The following ADGRB3 variants were observed in gnomAD, a reference collection of about 807,000 sequenced individuals.
ADGRB3 encodes the protein brain-specific angiogenesis inhibitor 3.
ADGRB3 carries 37 observed loss-of-function variants against 193.4 expected under a neutral mutation model. That is an observed-to-expected ratio of 0.19 (90% CI 0.15 to 0.25). The LOEUF is 0.25. Ranked by LOEUF, ADGRB3 falls within the 10% of genes least tolerant of loss-of-function variation. The pLI is 1.00. For synonymous variants in ADGRB3, 690 were observed against 644.2 expected (o/e 1.07, Z -1.08); for missense variants, 1,637 against 1,852.9 (o/e 0.88, Z 2.14).
At chr6:69,328,735 A>G (rs560374209) in intron 22 of ADGRB3, among the ~76,000 whole-genome samples, 6 of 152,304 alleles carry the variant, frequency 3.9e-5, no homozygotes, top group Non-Finnish European at 7.4e-5. Context: ...AAAGTTTAAG[A>G]CGCTCCTGTC....
chr6:68,864,375 C>T (rs1377225513), intron 3 of ADGRB3, among the ~76,000 whole-genome samples: 2 of 152,076 alleles, frequency 1.3e-5, no homozygotes, highest in Non-Finnish European at 2.9e-5. Flanking sequence ...TCACGGTGGC[C>T]AGGAAGTTGC....
At chr6:68,963,272 G>T (rs1768284628) in intron 8 of ADGRB3, among the ~76,000 whole-genome samples, 2 of 152,066 alleles carry the variant, frequency 1.3e-5, no homozygotes, top group African/African-American at 4.8e-5. Context: ...TTATTTCAAG[G>T]ATGAAATGCT....
At chr6:68,739,698 A>G (rs570725041) in intron 3 of ADGRB3, among the ~76,000 whole-genome samples, 1 of 152,288 alleles carries the variant, frequency 6.6e-6, no homozygotes, top group Non-Finnish European at 1.5e-5. Flanking sequence ...ACCAGAAAAG[A>G]GAGTTAATCT....
intron 3 of ADGRB3, among the ~76,000 whole-genome samples, chr6:68,700,275 G>A (rs1279135965): frequency 6.6e-6 from 1 of 152,056 alleles, no homozygotes; most frequent in Non-Finnish European, 1.5e-5. Context: ...CATTAAATAA[G>A]TATGCTATCA....
chr6:69,286,438 T>C (rs542909948), intron 20 of ADGRB3, among the ~76,000 whole-genome samples: 11 of 152,292 alleles, frequency 7.2e-5, no homozygotes, highest in Non-Finnish European at 1.5e-5. Context: ...GAACCCCAAC[T>C]TAGAAAGAAG....
intron 17 of ADGRB3, among the ~76,000 whole-genome samples, chr6:69,121,691 C>CCCAGAT (rs1394802827): frequency 1.1e-4 from 16 of 151,878 alleles, no homozygotes; most frequent in African/African-American, 3.4e-4. Flanking sequence ...CTCCTCACCT[C>CCCAGAT]CCAGATGGGG....
intron 16 of ADGRB3, among the ~76,000 whole-genome samples, 190 bp from the exon 17 acceptor site, chr6:69,075,805 T>C (rs372918256): frequency 5.9e-5 from 9 of 152,238 alleles, no homozygotes; most frequent in African/African-American, 1.7e-4. Context: ...TCATAGAACT[T>C]TATAAAATGA....
At chr6:69,254,136 A>C (rs992155756) in intron 20 of ADGRB3, among the ~76,000 whole-genome samples, 1 of 152,194 alleles carries the variant, frequency 6.6e-6, no homozygotes, top group African/African-American at 2.4e-5. Flanking sequence ...AAATGAGAGC[A>C]AGTTTTAAAA....
chr6:69,255,505 T>G (rs1671876065), intron 20 of ADGRB3, among the ~76,000 whole-genome samples: 2 of 152,228 alleles, frequency 1.3e-5, no homozygotes, highest in African/African-American at 2.4e-5. Context: ...ATAAATGTCT[T>G]GAGAAGTGTC....
rs573785256 is a variant in ADGRB3 at position 68,878,181 on chromosome 6, C to A, written c.758-52378C>A. Among the ~76,000 whole-genome samples the A allele has an allele frequency of 4.2e-4, 64 of 151,788 alleles. 1 individual carries two copies. The highest frequency in any genetic ancestry group is 3.3e-3 in the Admixed American group (51 of 15,232). ...TTTAGGATAACTTTTTAAAATACTT[C>A]TTTTTCTTTTTATTGAAAAATGTTC... On this transcript the variant is annotated intron_variant, in intron 3 of 31. Transcript: ENST00000370598.
chr6:68,862,649 C>A (rs1002253947), intron 3 of ADGRB3, among the ~76,000 whole-genome samples: 1 of 152,122 alleles, frequency 6.6e-6, no homozygotes, highest in Admixed American at 6.5e-5. Context: ...TATTAAATTT[C>A]TTTTCCCTTA....
chr6:69,110,738 A>G (rs1453057270), intron 17 of ADGRB3, among the ~76,000 whole-genome samples: 1 of 152,200 alleles, frequency 6.6e-6, no homozygotes, highest in Non-Finnish European at 1.5e-5. Context: ...GTAGCACATA[A>G]TATTTTGGCT....
At chr6:69,343,759 T>C (rs1255669599) in intron 26 of ADGRB3, among the ~76,000 whole-genome samples, 2 of 152,096 alleles carry the variant, frequency 1.3e-5, no homozygotes, top group African/African-American at 4.8e-5. Context: ...AAAGAAGCCA[T>C]CTGATTCATC....
At chr6:69,119,752 A>G (rs546705186) in intron 17 of ADGRB3, among the ~76,000 whole-genome samples, 1 of 152,174 alleles carries the variant, frequency 6.6e-6, no homozygotes, top group Admixed American at 6.5e-5. Flanking sequence ...GAGCATGGAG[A>G]GCTCAGAGAG....
intron 3 of ADGRB3, among the ~76,000 whole-genome samples, chr6:68,647,997 A>G (rs1266267506): frequency 6.6e-6 from 1 of 152,184 alleles, no homozygotes; most frequent in South Asian, 2.1e-4. Context: ...TGATATTTTC[A>G]TAAGGTAAAA....
At chr6:69,246,844 G>A (rs2127264647) in intron 20 of ADGRB3, among the ~76,000 whole-genome samples, 1 of 152,266 alleles carries the variant, frequency 6.6e-6, no homozygotes, top group South Asian at 2.1e-4. Context: ...TGAAGAGTGA[G>A]AACTCACTCA....
intron 3 of ADGRB3, among the ~76,000 whole-genome samples, chr6:68,796,197 C>T (rs887244473): frequency 7.3e-5 from 11 of 150,506 alleles, no homozygotes; most frequent in African/African-American, 2.7e-4. Flanking sequence ...ATCTATAAAC[C>T]ACCTGGCATC....
chr6:69,201,196 T>C (rs1402536987), intron 17 of ADGRB3, among the ~76,000 whole-genome samples: 1 of 152,080 alleles, frequency 6.6e-6, no homozygotes, highest in Non-Finnish European at 1.5e-5. Context: ...AATACTTCCC[T>C]TGTTACTCTT....
At chr6:69,120,820 G>C (rs921893695) in intron 17 of ADGRB3, among the ~76,000 whole-genome samples, 1 of 152,082 alleles carries the variant, frequency 6.6e-6, no homozygotes, top group Non-Finnish European at 1.5e-5. Flanking sequence ...TAATAAAGAT[G>C]ACTATCACAA....
Sources: allele counts gnomAD v4.1 joint callset (sites outside exome capture counted in the v4.1 genomes callset), GRCh38; gene constraint gnomAD v4.1.1; transcripts MANE v1.5; gene names NCBI Gene and HGNC (gene_info 2026-07-23, HGNC 2026-07-21).